ASAP1: variants seen among roughly 807,000 people sequenced by gnomAD.
ASAP1 encodes arf-GAP with SH3 domain, ANK repeat and PH domain-containing protein 1.
ASAP1 carries 43 observed loss-of-function variants against 145.2 expected under a neutral mutation model. That is an observed-to-expected ratio of 0.30 (90% confidence interval 0.23 to 0.38). The LOEUF (loss-of-function observed/expected upper bound fraction) is 0.38, where lower values mean the gene tolerates loss of function less well. ASAP1 is among the 10% of genes least tolerant of loss of function. The probability of loss-of-function intolerance (pLI) is 1.00; values close to 1 mark genes in which losing one functional copy is unlikely to be tolerated. For synonymous variants in ASAP1, 546 were observed against 515.5 expected (o/e 1.06, Z -0.80); for missense variants, 1,018 against 1,355.3 (o/e 0.75, Z 3.91).
At chr8:130,206,500 G>A (rs1165871083) in intron 5 of ASAP1, among the ~76,000 whole-genome samples, 1 of 151,944 alleles carries the variant, frequency 6.6e-6, no homozygotes, top group Non-Finnish European at 1.5e-5. Context: ...CCTACAGTCA[G>A]AGATTGCAAA....
chr8:130,264,302 G>A (rs757863980), intron 3 of ASAP1, among the ~76,000 whole-genome samples: 5 of 152,214 alleles, frequency 3.3e-5, no homozygotes, highest in Non-Finnish European at 5.9e-5. Context: ...TGGTTGACCT[G>A]TCAGAAAACG....
chr8:130,171,991 G>C (rs984394065), intron 9 of ASAP1, among the ~76,000 whole-genome samples: 5 of 152,190 alleles, frequency 3.3e-5, no homozygotes, highest in African/African-American at 1.2e-4. Context: ...GATGTTGTCA[G>C]GACTTCTTAC....
In ASAP1 at chr8:130,127,846, T is replaced by C. The variant is rs2097577400; in HGVS notation, c.1381+81A>G. 7.9e-6 allele frequency: 12 copies of C among 1,521,996 alleles called. No individual in the cohort carries two copies. The South Asian group carries it at 1.5e-4, about 19-fold the overall frequency. 94.3% of individuals were successfully genotyped at this position (1,521,996 alleles called of 1,614,324 possible). ...TGAGTGTGTCCATAGGGGTTAAGGT[T>C]TTTCAATAACTAGATCGTTTTATAT... On this transcript the variant is annotated intron_variant, in intron 16 of 29. Coordinates refer to ENST00000518721, the MANE Select transcript of ASAP1 (RefSeq NM_018482.4).
chr8:130,086,621 T>C (rs915822465), intron 25 of ASAP1, among the ~76,000 whole-genome samples: 4 of 152,100 alleles, frequency 2.6e-5, no homozygotes, highest in Admixed American at 2.6e-4. Context: ...CTGGGCAATA[T>C]GGTGAAACCC....
At chr8:130,190,157 C>A (rs1272239062) in intron 5 of ASAP1, among the ~76,000 whole-genome samples, 1 of 152,108 alleles carries the variant, frequency 6.6e-6, no homozygotes, top group Admixed American at 6.6e-5. Flanking sequence ...TCATATGATC[C>A]CACTTGCGTT....
intron 28 of ASAP1, among the ~76,000 whole-genome samples, chr8:130,058,430 T>A (rs150708834): frequency 2.8e-3 from 426 of 152,320 alleles, no homozygotes; most frequent in African/African-American, 9.8e-3. Context: ...GCTTGCAGAA[T>A]GACAGCAGAG....
At chr8:130,269,829 T>C (rs1232888125) in intron 3 of ASAP1, among the ~76,000 whole-genome samples, 3 of 152,214 alleles carry the variant, frequency 2.0e-5, no homozygotes, top group African/African-American at 7.2e-5. Flanking sequence ...GTGCTAAGTG[T>C]GTGTTCCAAG....
At chr8:130,243,515 C>T (rs569588747) in intron 3 of ASAP1, among the ~76,000 whole-genome samples, 3 of 152,204 alleles carry the variant, frequency 2.0e-5, no homozygotes, top group African/African-American at 4.8e-5. Flanking sequence ...ACTAAGTCCT[C>T]GCTACTGCCT....
intron 24 of ASAP1, among the ~76,000 whole-genome samples, chr8:130,102,244 G>A (rs778349285): frequency 4.6e-5 from 7 of 152,222 alleles, no homozygotes; most frequent in Admixed American, 1.3e-4. Flanking sequence ...TGTCACATAC[G>A]GCCTTTATTA....
At chr8:130,091,504 G>T (rs200762597) in intron 25 of ASAP1, among the ~76,000 whole-genome samples, 1 of 152,212 alleles carries the variant, frequency 6.6e-6, no homozygotes, top group Non-Finnish European at 1.5e-5. Context: ...ATAAGAGCCC[G>T]ATCATGCAGG....
chr8:130,350,099 G>A (rs1825912194), intron 3 of ASAP1, among the ~76,000 whole-genome samples: 1 of 152,210 alleles, frequency 6.6e-6, no homozygotes, highest in South Asian at 2.1e-4. Context: ...CTAACATCAG[G>A]GAAAGCTACT....
intron 24 of ASAP1, among the ~76,000 whole-genome samples, chr8:130,102,921 C>A (rs1011879933): frequency 6.6e-6 from 1 of 152,170 alleles, no homozygotes; most frequent in African/African-American, 2.4e-5. Flanking sequence ...AAACTTCTGG[C>A]CTCAAGTGAG....
At chr8:130,139,640 A>G (rs1285758386) in intron 13 of ASAP1, among the ~76,000 whole-genome samples, 2 of 152,090 alleles carry the variant, frequency 1.3e-5, no homozygotes, top group Non-Finnish European at 2.9e-5. Context: ...AAGGCAGGAG[A>G]ATCACTTGAG....
At chr8:130,191,785 A>G (rs1815157133) in intron 5 of ASAP1, among the ~76,000 whole-genome samples, 1 of 152,182 alleles carries the variant, frequency 6.6e-6, no homozygotes, top group Admixed American at 6.5e-5. Flanking sequence ...GGAAGTGTTG[A>G]ATACATGTTT....
chr8:130,353,987 T>C (rs1483844883), intron 3 of ASAP1, among the ~76,000 whole-genome samples: 3 of 152,056 alleles, frequency 2.0e-5, no homozygotes, highest in African/African-American at 7.2e-5. Context: ...CCCGGGTTCA[T>C]GCCATTCTCC....
At chr8:130,441,960 T>C (rs1379902131) in intron 1 of ASAP1, among the ~76,000 whole-genome samples, 2 of 152,032 alleles carry the variant, frequency 1.3e-5, no homozygotes, top group Admixed American at 6.6e-5. Flanking sequence ...GACCTGGGAG[T>C]TTCTATTTTG....
intron 5 of ASAP1, among the ~76,000 whole-genome samples, chr8:130,213,045 T>G (rs1264231166): frequency 6.6e-6 from 1 of 152,206 alleles, no homozygotes; most frequent in Non-Finnish European, 1.5e-5. Flanking sequence ...CACCACACTT[T>G]GAGCAAGGCC....
chr8:130,196,849 T>G (rs1017345304), intron 5 of ASAP1, among the ~76,000 whole-genome samples: 14 of 152,248 alleles, frequency 9.2e-5, no homozygotes, highest in African/African-American at 3.4e-4. Context: ...GTATTCTGTC[T>G]AGTATATTAA....
chr8:130,185,440 T>C (rs1380462545), intron 7 of ASAP1, among the ~76,000 whole-genome samples: 2 of 151,768 alleles, frequency 1.3e-5, no homozygotes, highest in African/African-American at 4.8e-5. Context: ...TACAGAAAAA[T>C]GAACAGCCAG....
Sources: allele counts gnomAD v4.1 joint callset (sites outside exome capture counted in the v4.1 genomes callset), GRCh38; gene constraint gnomAD v4.1.1; transcripts MANE v1.5; gene names NCBI Gene and HGNC (gene_info 2026-07-23, HGNC 2026-07-21).